ANOS1: variants seen among roughly 807,000 people sequenced by gnomAD.
ANOS1 encodes the protein anosmin 1, also known as anosmin-1.
A neutral mutation model predicts 59.0 loss-of-function variants in ANOS1; 6 were observed. That is an observed-to-expected ratio of 0.10 (90% CI 0.06 to 0.20). The LOEUF (loss-of-function observed/expected upper bound fraction) is 0.20. Among genes scored for constraint, ANOS1 ranks in the 10% least tolerant of loss-of-function variants. The pLI, the probability that ANOS1 is intolerant of heterozygous loss-of-function variation, is 1.00. For missense variants in ANOS1, 433 were observed against 542.3 expected, an observed-to-expected ratio of 0.80 and a Z score of 2.00; for synonymous variants, 217 against 223.4, an observed-to-expected ratio of 0.97 and a Z score of 0.25.
At chrX:8,558,983 A>G (rs1157938244) in intron 8 of ANOS1, among the ~76,000 whole-genome samples, 1 of 112,506 alleles carries the variant, frequency 8.9e-6, no homozygotes, top group Non-Finnish European at 1.9e-5. Flanking sequence ...TTCTGGCAGT[A>G]ATTAGCTCTT....
intron 5 of ANOS1, among the ~76,000 whole-genome samples, chrX:8,587,134 G>C (rs1372632763): frequency 1.1e-5 from 1 of 94,276 alleles, no homozygotes; most frequent in Non-Finnish European, 2.1e-5. Flanking sequence ...GTGTGTGTGT[G>C]GGGGGGTGGT....
In ANOS1 at chrX:8,568,333, T is replaced by C; in HGVS notation, c.1106A>G (p.Asp369Gly). 1 of 1,210,047 alleles carries C rather than the reference T, an allele frequency of 8.3e-7. No individual in the cohort carries two copies. The highest frequency in any genetic ancestry group is 1.8e-5 in the South Asian group (1 of 56,956). The change falls in exon 8 of 14, where the codon GAC becomes GGC. Residue 369 changes from aspartate (D) to glycine (G), a missense_variant. Transcript: ENST00000262648. ...TATGGCTTGCAATTCCACAACATAGTCACAGTCTGGCTGGAGTTTCTCCAG... is the reference window on the plus strand; with the variant it reads ...TATGGCTTGCAATTCCACAACATAGCCACAGTCTGGCTGGAGTTTCTCCAG... Reference protein sequence around the residue: ...VILEKLQPDCDYVVELQAITY... With the variant: ...VILEKLQPDCGYVVELQAITY...
At chrX:8,545,441 C>G (rs964513736) in intron 9 of ANOS1, among the ~76,000 whole-genome samples, 2 of 108,609 alleles carry the variant, frequency 1.8e-5, no homozygotes, top group Admixed American at 9.9e-5. Flanking sequence ...GGCCAGAAAG[C>G]TTAAAACAAT....
chrX:8,532,055 C>A lies in ANOS1; in HGVS notation c.*940G>T, dbSNP rs2146784248. 8.9e-6 allele frequency: 1 copy of A among 111,786 alleles called. No homozygotes were observed. Among genetic ancestry groups the A allele is most frequent in the African/African-American group, 3.2e-5 (1 of 30,869 alleles). The allele number at this position is 111,786 out of a possible 1,213,427, so 9.2% of individuals were successfully genotyped here. A position where few individuals can be genotyped will look rare whatever the true frequency, so the allele number is the denominator to read the frequency against. On this transcript the variant is annotated 3_prime_UTR_variant, in exon 14 of 14. Coordinates refer to ENST00000262648, the MANE Select transcript of ANOS1 (RefSeq NM_000216.4). Reference sequence around the variant, plus strand: ...CCAATAATATTCTAGCACACAAAGACCTTTCTTTGATTAAGAAAAGGCAAA... The same window carrying A: ...CCAATAATATTCTAGCACACAAAGAACTTTCTTTGATTAAGAAAAGGCAAA...
intron 8 of ANOS1, among the ~76,000 whole-genome samples, chrX:8,562,214 T>C (rs984327490): frequency 9.0e-6 from 1 of 111,718 alleles, no homozygotes. Flanking sequence ...GTGCTGGGAT[T>C]ACAGGCGTGA....
chrX:8,656,148 T>C (rs5978937), intron 2 of ANOS1, among the ~76,000 whole-genome samples: 18,816 of 111,816 alleles, frequency 0.17, 1,341 homozygotes, highest in African/African-American at 0.26. Flanking sequence ...ACCCAGCCAC[T>C]ACCTGCACAT....
Position 8,732,056 on chromosome X carries a change from G to C in ANOS1, c.-20C>G, listed in dbSNP as rs1285851331. The C allele has an allele frequency of 4.1e-5, 38 of 925,015 alleles. No individual in the cohort carries two copies. The highest frequency in any genetic ancestry group is 5.0e-5 in the Non-Finnish European group (37 of 746,182). 76.2% of individuals were successfully genotyped at this position (925,015 alleles called of 1,213,427 possible). A position where few individuals can be genotyped will look rare whatever the true frequency, so the allele number is the denominator to read the frequency against. On this transcript the variant is annotated 5_prime_UTR_variant, in exon 1 of 14. Transcript: ENST00000262648. Reference sequence around the variant, plus strand: ...CACCATGGCTGCGGGTCGAGGGCGAGGGCGAGGGCGCCGGGCGCGGGCCGA... The same window carrying C: ...CACCATGGCTGCGGGTCGAGGGCGACGGCGAGGGCGCCGGGCGCGGGCCGA...
intron 2 of ANOS1, among the ~76,000 whole-genome samples, chrX:8,650,426 G>A (rs1015843043): frequency 3.6e-5 from 4 of 112,288 alleles, no homozygotes; most frequent in Non-Finnish European, 7.5e-5. Context: ...CAAAAAAAGA[G>A]AGGGTTGAAG....
chrX:8,613,217 T>C (rs1931096362), intron 3 of ANOS1, among the ~76,000 whole-genome samples: 1 of 110,288 alleles, frequency 9.1e-6, no homozygotes, highest in South Asian at 3.8e-4. Context: ...GTTCCTTCTT[T>C]TTTTTTTTGA....
At position 8,597,658 on chromosome X, in the gene ANOS1, C is replaced by CTT. The variant is rs35836743; in HGVS notation, c.319-404_319-403dup. Among the ~76,000 whole-genome samples, 79 of 25,166 alleles carry CTT rather than the reference C, an allele frequency of 3.1e-3. 6 individuals are homozygous for CTT. Among genetic ancestry groups the CTT allele is most frequent in the African/African-American group, 0.01 (76 of 7,316 alleles). 21.9% of individuals were successfully genotyped at this position (25,166 alleles called of 115,157 possible). A position where few individuals can be genotyped will look rare whatever the true frequency, so the allele number is the denominator to read the frequency against. The stretch of plus-strand genomic sequence containing the variant: ...ACTCTCTTTAATTTTTTCTTTCTCC[C>CTT]TTTTTTTTTTTTTTTTTTTTTTTTT... On this transcript the variant is annotated intron_variant, in intron 3 of 13. Transcript: ENST00000262648.
At chrX:8,641,475 A>T (rs1931664576) in intron 2 of ANOS1, among the ~76,000 whole-genome samples, 1 of 112,130 alleles carries the variant, frequency 8.9e-6, no homozygotes, top group African/African-American at 3.2e-5. Context: ...AAAGAAAAAC[A>T]GTATCCACTG....
At chrX:8,536,077 G>C (rs1365326502) in intron 11 of ANOS1, among the ~76,000 whole-genome samples, 2 of 110,257 alleles carry the variant, frequency 1.8e-5, no homozygotes, top group Non-Finnish European at 3.8e-5. Flanking sequence ...GAAGATGGAG[G>C]CAGGAGAGCA....
At chrX:8,684,820 G>T (rs2146888811) in intron 2 of ANOS1, among the ~76,000 whole-genome samples, 1 of 110,724 alleles carries the variant, frequency 9.0e-6, no homozygotes, top group South Asian at 3.9e-4. Flanking sequence ...TGAGAACTCG[G>T]AGACTTGCAG....
At chrX:8,548,972 G>A (rs1027340568) in intron 9 of ANOS1, among the ~76,000 whole-genome samples, 5 of 111,787 alleles carry the variant, frequency 4.5e-5, no homozygotes, top group Admixed American at 9.5e-5. Context: ...GTTTACCTCC[G>A]TCACATGAGC....
chrX:8,683,569 C>T (rs183796043), intron 2 of ANOS1, among the ~76,000 whole-genome samples: 6 of 111,655 alleles, frequency 5.4e-5, no homozygotes, highest in Admixed American at 9.5e-5. Context: ...AATACTGCAA[C>T]GGTCTACATG....
chrX:8,587,660 T>C, intron 5 of ANOS1, 134 bp downstream of exon 5: 1 of 501,804 alleles, frequency 2.0e-6, no homozygotes, highest in Non-Finnish European at 3.4e-6. Context: ...GACCCCATGA[T>C]GTTCATTTCA....
chrX:8,532,992 A>G lies in ANOS1; in HGVS notation c.*3T>C. 2.6e-6 allele frequency: 3 copies of G among 1,136,187 alleles called. No homozygotes were observed. The highest frequency in any genetic ancestry group is 2.4e-6 in the Non-Finnish European group (2 of 826,594). The allele number at this position is 1,136,187 out of a possible 1,213,427, so 93.6% of individuals were successfully genotyped here. ...GCAATTTCACAAAATCTTTTTGAAC[A>G]GTTTAGTATCTTTCTGGAGAAGGCT... On this transcript the variant is annotated 3_prime_UTR_variant, in exon 14 of 14. Transcript: ENST00000262648.
intron 2 of ANOS1, among the ~76,000 whole-genome samples, chrX:8,636,881 A>G (rs1931581650): frequency 1.8e-5 from 2 of 112,447 alleles, no homozygotes; most frequent in Non-Finnish European, 3.8e-5. Flanking sequence ...TTAATGAGTT[A>G]GACATCATAT....
At chrX:8,680,718 C>T (rs957108207) in intron 2 of ANOS1, among the ~76,000 whole-genome samples, 9 of 111,772 alleles carry the variant, frequency 8.1e-5, no homozygotes, top group African/African-American at 2.9e-4. Context: ...CACTCTAGCA[C>T]TGAGCACTAA....
Sources: gnomAD v4.1 joint callset for allele counts (sites outside exome capture counted in the v4.1 genomes callset) on GRCh38, gnomAD v4.1.1 for gene constraint, MANE v1.5 for transcripts, NCBI Gene and HGNC (gene_info 2026-07-23, HGNC 2026-07-21) for gene names.